Variants in CTNNA3 observed in about 807,000 individuals in gnomAD.
CTNNA3 encodes catenin alpha-3.
CTNNA3 carries 76 observed loss-of-function variants against 95.7 expected under a neutral mutation model. That is an observed-to-expected ratio of 0.79 (90% CI 0.66 to 0.96). CTNNA3 has a LOEUF of 0.96. Among genes scored for constraint, CTNNA3 ranks in the 40% least tolerant of loss-of-function variants. The pLI is 0.00. For synonymous variants in CTNNA3, 431 were observed against 374.4 expected (o/e 1.15, Z -1.74); for missense variants, 1,191 against 1,089.8 (o/e 1.09, Z -1.31).
At chr10:67,705,596 G>A (rs1841073291) in intron 1 of CTNNA3, among the ~76,000 whole-genome samples, 1 of 141,774 alleles carries the variant, frequency 7.1e-6, no homozygotes, top group Admixed American at 7.4e-5. Context: ...CATGGACACA[G>A]GAGGGGGACC....
intron 13 of CTNNA3, among the ~76,000 whole-genome samples, chr10:66,199,988 A>C (rs2087288656): frequency 6.7e-6 from 1 of 150,264 alleles, no homozygotes; most frequent in Admixed American, 6.7e-5. Context: ...TATGGGCATC[A>C]AATGAACAGG....
intron 12 of CTNNA3, among the ~76,000 whole-genome samples, chr10:66,356,025 C>T (rs1246346846): frequency 6.7e-6 from 1 of 149,606 alleles, no homozygotes; most frequent in Non-Finnish European, 1.5e-5. Context: ...ATCTATGTGT[C>T]TACTCTTTTG....
In CTNNA3 at chr10:66,437,057, C is replaced by G. The variant is rs531864463; in HGVS notation, c.1532-57705G>C. Among the ~76,000 whole-genome samples the G allele has an allele frequency of 3.1e-3, 478 of 152,160 alleles. 5 individuals are homozygous for G. Among genetic ancestry groups the G allele is most frequent in the Non-Finnish European group, 5.7e-3 (388 of 68,002 alleles). The stretch of plus-strand genomic sequence containing the variant: ...TTGTAGGGTTTCTGCCAAGAGATCC[C>G]CTGTTAGTCTGATGTGCTTCTCTTT... On this transcript the variant is annotated intron_variant, in intron 11 of 17. Transcript: ENST00000433211.
At chr10:66,899,243 C>T (rs557112632) in intron 7 of CTNNA3, among the ~76,000 whole-genome samples, 1 of 152,280 alleles carries the variant, frequency 6.6e-6, no homozygotes, top group East Asian at 1.9e-4. Context: ...AACCTGGAAC[C>T]TTTGTCCACT....
intron 9 of CTNNA3, among the ~76,000 whole-genome samples, chr10:66,734,529 T>A (rs995876972): frequency 6.6e-6 from 1 of 152,158 alleles, no homozygotes; most frequent in African/African-American, 2.4e-5. Flanking sequence ...ATTAGTTATA[T>A]AAAACTCTGA....
intron 9 of CTNNA3, among the ~76,000 whole-genome samples, chr10:66,669,785 G>A (rs947554031): frequency 2.6e-5 from 4 of 152,050 alleles, no homozygotes; most frequent in Non-Finnish European, 2.9e-5. Context: ...GAGGTAAAGA[G>A]AGGATTCATC....
At chr10:65,952,976 C>A (rs2077649596) in intron 17 of CTNNA3, among the ~76,000 whole-genome samples, 1 of 152,118 alleles carries the variant, frequency 6.6e-6, no homozygotes, top group African/African-American at 2.4e-5. Flanking sequence ...CAGTCTTGAG[C>A]AGTACCAAAA....
chr10:67,002,825 T>A (rs529496598), intron 7 of CTNNA3, among the ~76,000 whole-genome samples: 1 of 152,324 alleles, frequency 6.6e-6, no homozygotes, highest in African/African-American at 2.4e-5. Flanking sequence ...TGTATTTGAT[T>A]ATGAATGTCT....
intron 17 of CTNNA3, among the ~76,000 whole-genome samples, chr10:65,924,165 A>G (rs2077130343): frequency 6.6e-6 from 1 of 152,186 alleles, no homozygotes; most frequent in Non-Finnish European, 1.5e-5. Context: ...CTAATTAAAC[A>G]GATTCAGAAA....
chr10:67,324,083 G>C (rs1841441392), intron 5 of CTNNA3, among the ~76,000 whole-genome samples: 1 of 152,136 alleles, frequency 6.6e-6, no homozygotes. Flanking sequence ...AGACTCTGTT[G>C]CAAAACTGTT....
chr10:66,843,990 T>A (rs1280612185), intron 7 of CTNNA3, among the ~76,000 whole-genome samples: 3 of 152,188 alleles, frequency 2.0e-5, no homozygotes, highest in Non-Finnish European at 4.4e-5. Context: ...AACAATAATA[T>A]CTCTATTATA....
intron 13 of CTNNA3, among the ~76,000 whole-genome samples, chr10:66,163,679 T>C (rs1174993373): frequency 6.6e-6 from 1 of 152,144 alleles, no homozygotes; most frequent in Non-Finnish European, 1.5e-5. Context: ...TCAGTTATAT[T>C]ATTATATATA....
chr10:66,738,681 A>G (rs4342906), intron 9 of CTNNA3, among the ~76,000 whole-genome samples: 2,777 of 152,202 alleles, frequency 0.018, 184 homozygotes, highest in Admixed American at 0.11. Context: ...GTATGTATTC[A>G]TTTTAATCTC....
At position 66,565,969 on chromosome 10, in the gene CTNNA3, G is replaced by A. The variant is rs561273157; in HGVS notation, c.1375-45196C>T. 2.6e-5 allele frequency among the ~76,000 whole-genome samples: 4 copies of A among 152,254 alleles called. No homozygotes were observed. The East Asian group carries it at 5.8e-4, about 22-fold the overall frequency. On this transcript the variant is annotated intron_variant, in intron 10 of 17. Transcript: ENST00000433211. ...AAAAAAGGAAATGAGGTAAATAAATGTTGAAAGAAATCCTGAGGTCAGGAC... is the reference window on the plus strand; with the variant it reads ...AAAAAAGGAAATGAGGTAAATAAATATTGAAAGAAATCCTGAGGTCAGGAC...
intron 5 of CTNNA3, among the ~76,000 whole-genome samples, chr10:67,312,878 C>A (rs1840868928): frequency 6.6e-6 from 1 of 152,126 alleles, no homozygotes; most frequent in Non-Finnish European, 1.5e-5. Context: ...TAATAATAGA[C>A]AATCATTTAT....
chr10:66,197,283 G>A (rs956513274), intron 13 of CTNNA3, among the ~76,000 whole-genome samples: 10 of 152,120 alleles, frequency 6.6e-5, no homozygotes, highest in African/African-American at 2.4e-4. Context: ...ATAGGTTACT[G>A]TTTTACAAAC....
intron 5 of CTNNA3, among the ~76,000 whole-genome samples, chr10:67,351,626 A>T (rs1564588058): frequency 6.6e-6 from 1 of 151,986 alleles, no homozygotes; most frequent in African/African-American, 2.4e-5. Context: ...ATGTTTATAG[A>T]TTTTTATACC....
intron 15 of CTNNA3, among the ~76,000 whole-genome samples, chr10:66,056,283 A>G (rs933350933): frequency 3.3e-5 from 5 of 152,146 alleles, no homozygotes; most frequent in Non-Finnish European, 5.9e-5. Flanking sequence ...AATCTTTTGA[A>G]ATAATTGTAT....
intron 7 of CTNNA3, among the ~76,000 whole-genome samples, chr10:66,996,055 A>G (rs1487623854): frequency 6.6e-6 from 1 of 152,152 alleles, no homozygotes; most frequent in Non-Finnish European, 1.5e-5. Context: ...ACTTATTTAC[A>G]TATTTTGTAA....
Sources: allele counts gnomAD v4.1 joint callset (sites outside exome capture counted in the v4.1 genomes callset), GRCh38; gene constraint gnomAD v4.1.1; transcripts MANE v1.5; gene names NCBI Gene and HGNC (gene_info 2026-07-23, HGNC 2026-07-21).